Variants in ATP2B1 observed in about 807,000 individuals in gnomAD.
ATP2B1 encodes the protein plasma membrane calcium-transporting ATPase 1.
Under a neutral mutation model 124.2 loss-of-function variants are expected in ATP2B1, and 14 were observed. The observed-to-expected ratio is 0.11, with a 90% CI of 0.07 to 0.18. ATP2B1 has a LOEUF of 0.18. Ranked by LOEUF, ATP2B1 falls within the 10% of genes least tolerant of loss-of-function variation. The probability of loss-of-function intolerance (pLI) is 1.00; values close to 1 mark genes in which losing one functional copy is unlikely to be tolerated. For synonymous variants in ATP2B1, 449 were observed against 492.4 expected (o/e 0.91, Z 1.17); for missense variants, 763 against 1,466.1 (o/e 0.52, Z 7.83).
intron 1 of ATP2B1, among the ~76,000 whole-genome samples, chr12:89,692,229 A>T (rs1890634141): frequency 6.6e-6 from 1 of 152,172 alleles, no homozygotes; most frequent in African/African-American, 2.4e-5. Context: ...CAATGGCCAA[A>T]ATGATTTAGT....
At chr12:89,636,214 G>A (rs1882682243) in intron 3 of ATP2B1, among the ~76,000 whole-genome samples, 1 of 151,984 alleles carries the variant, frequency 6.6e-6, no homozygotes, top group Admixed American at 6.6e-5. Context: ...AAAAGGATGT[G>A]GGGTGGGAGG....
At chr12:89,592,332 A>C (rs1873733719) in intron 20 of ATP2B1, among the ~76,000 whole-genome samples, 1 of 152,132 alleles carries the variant, frequency 6.6e-6, no homozygotes, top group African/African-American at 2.4e-5. Flanking sequence ...TAAAGACATC[A>C]TTTACTCATT....
At chr12:89,634,403 A>G (rs1263625128) in intron 5 of ATP2B1, among the ~76,000 whole-genome samples, 1 of 152,190 alleles carries the variant, frequency 6.6e-6, no homozygotes, top group Non-Finnish European at 1.5e-5. Flanking sequence ...TTTGCTTTAA[A>G]CATATATTCA....
chr12:89,684,281 T>A (rs191366940), intron 1 of ATP2B1, among the ~76,000 whole-genome samples: 1 of 152,308 alleles, frequency 6.6e-6, no homozygotes, highest in Non-Finnish European at 1.5e-5. Flanking sequence ...TATAAGCACA[T>A]TAATGTTCTA....
rs181486605 is a variant in ATP2B1, at chr12:89,671,598, C to T, written c.-221-15491G>A. On this transcript the variant is annotated intron_variant, in intron 1 of 20. Transcript: ENST00000428670. The stretch of plus-strand genomic sequence containing the variant: ...CCAATTGCCAGATGAGGTAACTAAC[C>T]GGTCTTTGAGAAGTTAAGAAAAGCC... 3.3e-5 allele frequency among the ~76,000 whole-genome samples: 5 copies of T among 152,184 alleles called. No individual in the cohort carries two copies. The East Asian group carries it at 5.8e-4, about 18-fold the overall frequency.
rs11105375 is a variant in ATP2B1, at chr12:89,694,803, T to C, written c.-222+13793A>G. Among the ~76,000 whole-genome samples the C allele has an allele frequency of 3.3e-5, 5 of 152,108 alleles. No homozygotes were observed. The East Asian group carries it at 7.7e-4, about 24-fold the overall frequency. On this transcript the variant is annotated intron_variant, in intron 1 of 20. Coordinates refer to ENST00000428670, the MANE Select transcript of ATP2B1 (RefSeq NM_001366521.1). Reference sequence around the variant, plus strand: ...CAGGCGCAGTGGCTCACGCCTGTAATCCCAGCACTTTGTGAGGCCGAGGAA... The same window carrying C: ...CAGGCGCAGTGGCTCACGCCTGTAACCCCAGCACTTTGTGAGGCCGAGGAA...
At chr12:89,597,517 TAAGTA>T (rs1874866819) in intron 20 of ATP2B1, among the ~76,000 whole-genome samples, 1 of 152,110 alleles carries the variant, frequency 6.6e-6, no homozygotes, top group African/African-American at 2.4e-5. Flanking sequence ...AAAATATACT[TAAGTA>T]AATACGGAAA....
At chr12:89,654,022 C>T (rs1240010999) in intron 2 of ATP2B1, among the ~76,000 whole-genome samples, 1 of 152,178 alleles carries the variant, frequency 6.6e-6, no homozygotes, top group Admixed American at 6.5e-5. Context: ...TTAGTGTCCC[C>T]TATCAATTTG....
chr12:89,655,004 T>A (rs1885782774), intron 2 of ATP2B1, among the ~76,000 whole-genome samples: 1 of 152,140 alleles, frequency 6.6e-6, no homozygotes, highest in South Asian at 2.1e-4. Flanking sequence ...CTGAAATCAT[T>A]TCAAAGACCA....
At chr12:89,600,628 A>G (rs1332532894) in intron 19 of ATP2B1, among the ~76,000 whole-genome samples, 1 of 151,798 alleles carries the variant, frequency 6.6e-6, no homozygotes, top group African/African-American at 2.4e-5. Flanking sequence ...GGATTAAATT[A>G]CAGAACAAAA....
At position 89,620,054 on chromosome 12, in the gene ATP2B1, A is replaced by C. The variant is rs1206263912; in HGVS notation, c.1774T>G (p.Ser592Ala). Residue 592 changes from serine (S) to alanine (A), a missense_variant, in exon 11 of 21, where the codon TCA becomes GCA. Around this residue, in one of 7 missense-constraint regions of ATP2B1, gnomAD observed 392 missense variants for 776.6 expected, o/e 0.50. Transcript: ENST00000428670. ...RKSMSTVLKN[S>A]DGSYRIFSKG... ...CTGAATATTCGATAACTTCCATCTG[A>C]ATTTTTCAGGACAGTACTCATGGAC... The C allele has an allele frequency of 9.3e-6, 15 of 1,614,072 alleles. No homozygotes were observed. The highest frequency in any genetic ancestry group is 1.3e-5 in the African/African-American group (1 of 75,040).
At chr12:89,665,173 C>T (rs1174865657) in intron 1 of ATP2B1, among the ~76,000 whole-genome samples, 1 of 152,178 alleles carries the variant, frequency 6.6e-6, no homozygotes, top group Non-Finnish European at 1.5e-5. Flanking sequence ...AAGCAGACTA[C>T]TTTCTAAAAA....
chr12:89,629,913 CTTGTAA>C (rs1881574073), intron 6 of ATP2B1, among the ~76,000 whole-genome samples: 1 of 151,850 alleles, frequency 6.6e-6, no homozygotes. Context: ...ATAACAGTTT[CTTGTAA>C]GATCCTTGCA....
At chr12:89,649,258 A>C (rs1266599805) in intron 2 of ATP2B1, among the ~76,000 whole-genome samples, 4 of 152,256 alleles carry the variant, frequency 2.6e-5, no homozygotes, top group African/African-American at 7.2e-5. Flanking sequence ...GAAAGCCTCA[A>C]TCACTCAACT....
intron 1 of ATP2B1, among the ~76,000 whole-genome samples, chr12:89,707,132 C>T (rs1272309267): frequency 1.3e-5 from 2 of 152,110 alleles, no homozygotes; most frequent in African/African-American, 4.8e-5. Context: ...AGCAGATTCT[C>T]CTCCAATCCC....
chr12:89,663,983 C>A (rs560482362), intron 1 of ATP2B1, among the ~76,000 whole-genome samples: 1 of 152,070 alleles, frequency 6.6e-6, no homozygotes, highest in Admixed American at 6.6e-5. Context: ...TCAGAGTAAA[C>A]GAGATTCGTT....
intron 12 of ATP2B1, among the ~76,000 whole-genome samples, chr12:89,615,561 A>T (rs1017417157): frequency 1.3e-5 from 2 of 152,196 alleles, no homozygotes; most frequent in African/African-American, 4.8e-5. Context: ...TTAGGTTTTG[A>T]ATCAATTAGC....
At chr12:89,697,601 T>C (rs1891298291) in intron 1 of ATP2B1, among the ~76,000 whole-genome samples, 1 of 152,006 alleles carries the variant, frequency 6.6e-6, no homozygotes, top group South Asian at 2.1e-4. Context: ...ATTTCATACA[T>C]GTATTCATTT....
chr12:89,698,357 G>T (rs935650894), intron 1 of ATP2B1, among the ~76,000 whole-genome samples: 2 of 152,162 alleles, frequency 1.3e-5, no homozygotes, highest in Non-Finnish European at 2.9e-5. Context: ...ACTCAATTAT[G>T]GTGAGTGAAT....
Sources: gnomAD v4.1 joint callset for allele counts (sites outside exome capture counted in the v4.1 genomes callset) on GRCh38, gnomAD v4.1.1 for gene constraint, gnomAD v4.1.1 regional missense constraint, MANE v1.5 for transcripts, NCBI Gene and HGNC (gene_info 2026-07-23, HGNC 2026-07-21) for gene names.